Variants in ADK observed in about 807,000 individuals in gnomAD.
ADK encodes the protein adenosine kinase.
A neutral mutation model predicts 44.7 loss-of-function variants in ADK; 24 were observed. That is an observed-to-expected ratio of 0.54 (90% CI 0.39 to 0.76). The LOEUF (loss-of-function observed/expected upper bound fraction) is 0.76, where lower values mean the gene tolerates loss of function less well. Ranked by LOEUF, ADK falls within the 30% of genes least tolerant of loss-of-function variation. The pLI is 0.00. For missense variants in ADK, 321 were observed against 425.1 expected (o/e 0.76, Z 2.15); for synonymous variants, 128 against 142.6 (o/e 0.90, Z 0.73).
At chr10:74,302,827 T>C (rs1267167653) in intron 3 of ADK, among the ~76,000 whole-genome samples, 1 of 146,062 alleles carries the variant, frequency 6.8e-6, no homozygotes, top group Non-Finnish European at 1.5e-5. Flanking sequence ...ATTCCACATT[T>C]TACTGAGTCT....
chr10:74,204,684 G>T (rs1171688292), intron 2 of ADK, among the ~76,000 whole-genome samples: 1 of 152,148 alleles, frequency 6.6e-6, no homozygotes, highest in East Asian at 1.9e-4. Context: ...AATGATTTTA[G>T]TTCTTTTGGT....
rs776277414 is a variant in ADK at position 74,389,612 on chromosome 10, C to G, written c.274-4529C>G. Among the ~76,000 whole-genome samples the G allele has an allele frequency of 3.3e-5, 5 of 151,358 alleles. No individual in the cohort carries two copies. In the East Asian group the frequency reaches 9.7e-4, roughly 29 times the overall value. On this transcript the variant is annotated intron_variant, in intron 4 of 10. Transcript: ENST00000539909. ...GCTGTAAAAAAACTGAATTTTTAGG[C>G]TTGTTAAACTCTGGTTTTAGAATGA...
chr10:74,617,189 G>A (rs140442449), intron 9 of ADK, among the ~76,000 whole-genome samples: 200 of 152,102 alleles, frequency 1.3e-3, no homozygotes, highest in Non-Finnish European at 2.0e-3. Flanking sequence ...TAGTTAGCAC[G>A]GTAAGACATG....
At chr10:74,549,739 A>G (rs1849963143) in intron 7 of ADK, among the ~76,000 whole-genome samples, 1 of 152,134 alleles carries the variant, frequency 6.6e-6, no homozygotes, top group Non-Finnish European at 1.5e-5. Flanking sequence ...CCTGGCCTAG[A>G]TCGTAAATTC....
intron 6 of ADK, among the ~76,000 whole-genome samples, chr10:74,499,911 GT>G (rs1333022780): frequency 6.6e-6 from 1 of 152,128 alleles, no homozygotes; most frequent in African/African-American, 2.4e-5. Flanking sequence ...GCAGGGATGT[GT>G]ATGAAAGAGT....
At chr10:74,488,725 T>C (rs1014812813) in intron 6 of ADK, among the ~76,000 whole-genome samples, 45 of 151,772 alleles carry the variant, frequency 3.0e-4, no homozygotes, top group African/African-American at 1.0e-3. Flanking sequence ...AACTGGACTT[T>C]TACGACATTA....
intron 4 of ADK, among the ~76,000 whole-genome samples, chr10:74,387,493 A>C (rs1054924915): frequency 6.6e-5 from 10 of 152,114 alleles, no homozygotes; most frequent in Admixed American, 5.2e-4. Flanking sequence ...ACCATGATAA[A>C]ATTTCTAACA....
intron 8 of ADK, among the ~76,000 whole-genome samples, chr10:74,596,016 A>C (rs145678655): frequency 6.7e-6 from 1 of 150,250 alleles, no homozygotes; most frequent in Non-Finnish European, 1.5e-5. Context: ...AAAAAAAAAA[A>C]CCACTGAAAT....
chr10:74,281,771 GTTA>G (rs911984698), intron 3 of ADK, among the ~76,000 whole-genome samples: 1 of 152,184 alleles, frequency 6.6e-6, no homozygotes, highest in Non-Finnish European at 1.5e-5. Flanking sequence ...TGAGAAGTTA[GTTA>G]TTATTGTTTT....
intron 2 of ADK, among the ~76,000 whole-genome samples, chr10:74,210,569 C>T (rs1055472883): frequency 9.9e-5 from 15 of 151,186 alleles, no homozygotes; most frequent in African/African-American, 3.7e-4. Context: ...AGCTGTAGTG[C>T]ATCATGATTA....
At chr10:74,330,656 G>A (rs1023716913) in intron 4 of ADK, among the ~76,000 whole-genome samples, 1 of 152,158 alleles carries the variant, frequency 6.6e-6, no homozygotes, top group African/African-American at 2.4e-5. Flanking sequence ...CAACTGCTAT[G>A]TTCTTGAGGA....
intron 1 of ADK, among the ~76,000 whole-genome samples, chr10:74,172,045 G>A (rs1842173689): frequency 6.6e-6 from 1 of 151,390 alleles, no homozygotes; most frequent in Non-Finnish European, 1.5e-5. Flanking sequence ...TGACACGACT[G>A]GTACTTAAAT....
chr10:74,359,711 G>A (rs896802474), intron 4 of ADK, among the ~76,000 whole-genome samples: 5 of 152,152 alleles, frequency 3.3e-5, no homozygotes, highest in African/African-American at 1.2e-4. Flanking sequence ...TCTTATCTCT[G>A]TGTAAAAGAA....
intron 7 of ADK, among the ~76,000 whole-genome samples, chr10:74,585,631 T>C (rs991262848): frequency 3.9e-5 from 6 of 152,144 alleles, no homozygotes; most frequent in African/African-American, 9.7e-5. Context: ...CCCTCCTCCT[T>C]TGTGATTTTT....
At chr10:74,214,118 A>C (rs887864468) in intron 2 of ADK, among the ~76,000 whole-genome samples, 12 of 152,230 alleles carry the variant, frequency 7.9e-5, no homozygotes, top group Non-Finnish European at 1.5e-5. Flanking sequence ...ATTTAAAAAT[A>C]TTATTTTCAT....
intron 3 of ADK, among the ~76,000 whole-genome samples, chr10:74,244,956 T>C (rs1005548418): frequency 6.6e-6 from 1 of 152,208 alleles, no homozygotes; most frequent in African/African-American, 2.4e-5. Flanking sequence ...TAAAAGTGTT[T>C]CTAGGATTTT....
chr10:74,681,574 A>C lies in ADK; in HGVS notation c.964+11305A>C, dbSNP rs564977717. On this transcript the variant is annotated intron_variant, in intron 10 of 10. Coordinates refer to ENST00000539909, the MANE Select transcript of ADK (RefSeq NM_006721.4). ...AAAGTTGTCAGTTAAGGCTGAGCGC[A>C]GCAGCTCATGCCTGTAATCTCAGCA... 3.7e-4 allele frequency among the ~76,000 whole-genome samples: 56 copies of C among 152,346 alleles called. No homozygotes were observed. In the South Asian group the frequency reaches 8.5e-3, roughly 23 times the overall value.
At chr10:74,280,415 A>AACACACACACACACACACACAC (rs71021599) in intron 3 of ADK, among the ~76,000 whole-genome samples, 3,795 of 144,250 alleles carry the variant, frequency 0.026, 77 homozygotes, top group Middle Eastern at 0.045. Context: ...AACAAGTTTA[A>AACACACACACACACACACACAC]ACACACACAC....
chr10:74,422,973 C>T (rs1844617428), intron 6 of ADK, among the ~76,000 whole-genome samples: 1 of 152,138 alleles, frequency 6.6e-6, no homozygotes, highest in Non-Finnish European at 1.5e-5. Context: ...AGCTACCTCT[C>T]CCTTCCCTAG....
Sources: allele counts gnomAD v4.1 joint callset (sites outside exome capture counted in the v4.1 genomes callset), GRCh38; gene constraint gnomAD v4.1.1; transcripts MANE v1.5; gene names NCBI Gene and HGNC (gene_info 2026-07-23, HGNC 2026-07-21).